Variants in TMEM209 observed in about 807,000 individuals in gnomAD.
TMEM209 encodes transmembrane protein 209.
Under a neutral mutation model 76.2 loss-of-function variants are expected in TMEM209, and 65 were observed. The ratio of observed to expected loss-of-function variants is 0.85; its 90% CI spans 0.70 to 1.05. The LOEUF (loss-of-function observed/expected upper bound fraction) is 1.05, where lower values mean the gene tolerates loss of function less well. Among genes scored for constraint, TMEM209 ranks in the 50% least tolerant of loss-of-function variants. The pLI is 0.00. For synonymous variants in TMEM209, 239 were observed against 237.6 expected, an observed-to-expected ratio of 1.01 and a Z score of -0.06; for missense variants, 623 against 685.5, an observed-to-expected ratio of 0.91 and a Z score of 1.02.
At chr7:130,188,629 C>T (rs1411464528) in intron 6 of TMEM209, among the ~76,000 whole-genome samples, 1 of 146,444 alleles carries the variant, frequency 6.8e-6, no homozygotes, top group Non-Finnish European at 1.5e-5. Context: ...AAGAAAATCT[C>T]TACTTTATAA....
chr7:130,185,132 A>G, intron 7 of TMEM209, 60 bp downstream of exon 7: 1 of 1,525,138 alleles, frequency 6.6e-7, no homozygotes, highest in Non-Finnish European at 8.8e-7. Flanking sequence ...TTCCAGAAGT[A>G]GAAGACTTTC....
chr7:130,182,875 T>C lies in TMEM209; in HGVS notation c.1024-1156A>G, dbSNP rs957993816. On this transcript the variant is annotated intron_variant, in intron 8 of 14. Transcript: ENST00000397622. ...TGGCAAGACTTGAACTGAATTCACA[T>C]GAAGCTATTTATAGGCTTTATCCCA... Among the ~76,000 whole-genome samples, 3 of 152,226 alleles carry C rather than the reference T, an allele frequency of 2.0e-5. No individual in the cohort carries two copies. In the South Asian group the frequency reaches 6.2e-4, roughly 31 times the overall value.
Position 130,196,400 on chromosome 7 carries a change from T to C in TMEM209, c.574-3577A>G, listed in dbSNP as rs145081680. Among the ~76,000 whole-genome samples, 595 of 152,152 alleles carry C rather than the reference T, an allele frequency of 3.9e-3. 4 individuals are homozygous for C. Among genetic ancestry groups the C allele is most frequent in the African/African-American group, 0.014 (564 of 41,518 alleles). ...GTTATTAGTTTGGTTCAACAGACAC[T>C]GATGTAGGTAGCATCTATATTCCAT... On this transcript the variant is annotated intron_variant, in intron 5 of 14. Transcript: ENST00000397622.
At chr7:130,204,836 A>ATTTAT (rs1216990405) in intron 1 of TMEM209, 3 of 674,904 alleles carry the variant, frequency 4.4e-6, no homozygotes, top group African/African-American at 2.0e-5. Context: ...TAAGTCATAA[A>ATTTAT]GACTGTTGTA....
chr7:130,174,064 T>G (rs1286958102), intron 11 of TMEM209, 125 bp from the exon 12 acceptor site: 1 of 618,218 alleles, frequency 1.6e-6, no homozygotes, highest in Non-Finnish European at 2.8e-6. Flanking sequence ...AAGAGTGAAT[T>G]AGAAAAATGC....
intron 10 of TMEM209, among the ~76,000 whole-genome samples, chr7:130,176,161 G>A (rs1429965328): frequency 6.7e-6 from 1 of 148,544 alleles, no homozygotes; most frequent in Non-Finnish European, 1.5e-5. Flanking sequence ...CACCCAGGCT[G>A]GAGCGCAGTA....
chr7:130,185,822 T>C (rs745480795), intron 6 of TMEM209, among the ~76,000 whole-genome samples: 12 of 152,336 alleles, frequency 7.9e-5, no homozygotes, highest in Non-Finnish European at 1.5e-4. Flanking sequence ...TATTTGTCCC[T>C]GTACTTCACT....
chr7:130,182,467 CCTAA>C (rs1363020110), intron 8 of TMEM209, among the ~76,000 whole-genome samples: 2 of 152,150 alleles, frequency 1.3e-5, no homozygotes, highest in Non-Finnish European at 2.9e-5. Context: ...AACATAACTG[CCTAA>C]CTCTCAGCAG....
chr7:130,170,929 C>T (rs944039728), intron 13 of TMEM209, among the ~76,000 whole-genome samples: 2 of 151,552 alleles, frequency 1.3e-5, no homozygotes, highest in Middle Eastern at 3.4e-3. Flanking sequence ...CCTGGGTTCA[C>T]GTCATTCTCC....
chr7:130,178,959 T>C (rs928874033), intron 9 of TMEM209, among the ~76,000 whole-genome samples: 15 of 152,112 alleles, frequency 9.9e-5, no homozygotes. Context: ...TTTTTCTTTT[T>C]TTCTATTTAG....
Position 130,202,450 on chromosome 7 carries a change from G to C in TMEM209, c.331+82C>G, listed in dbSNP as rs928114772. The C allele has an allele frequency of 2.6e-6, 4 of 1,521,200 alleles. No individual in the cohort carries two copies. The Admixed American group carries it at 8.4e-5, about 32-fold the overall frequency. 94.2% of individuals were successfully genotyped at this position (1,521,200 alleles called of 1,614,324 possible). A position where few individuals can be genotyped will look rare whatever the true frequency, so the allele number is the denominator to read the frequency against. On this transcript the variant is annotated intron_variant, in intron 4 of 14. Coordinates refer to ENST00000397622, the MANE Select transcript of TMEM209 (RefSeq NM_032842.4). ...TAGCTGATGTCCCTTCCAGCTTTGA[G>C]TCTACGAAATGGGAAAATTAAACTG...
chr7:130,190,784 C>T (rs1444730256), intron 6 of TMEM209, among the ~76,000 whole-genome samples: 1 of 151,294 alleles, frequency 6.6e-6, no homozygotes, highest in East Asian at 2.0e-4. Flanking sequence ...ATTGTGTGAG[C>T]TCAGGAGTTC....
intron 5 of TMEM209, among the ~76,000 whole-genome samples, chr7:130,195,864 A>G (rs1355554202): frequency 6.6e-6 from 1 of 152,166 alleles, no homozygotes. Context: ...TTAGGCAGTC[A>G]TTATATATGT....
chr7:130,181,557 A>G, intron 9 of TMEM209, 66 bp downstream of exon 9: 1 of 1,367,168 alleles, frequency 7.3e-7, no homozygotes, highest in Non-Finnish European at 1.0e-6. Context: ...GCCGTCCATT[A>G]CAAGAAGTTT....
chr7:130,200,150 TCTATATATATATATATTAAA>T (rs1310667936), intron 5 of TMEM209, among the ~76,000 whole-genome samples: 39 of 151,800 alleles, frequency 2.6e-4, no homozygotes, highest in African/African-American at 7.7e-4. Context: ...TTTCTCTCTC[TCTATATATATATATATTAAA>T]CTCTATAATT....
intron 14 of TMEM209, among the ~76,000 whole-genome samples, chr7:130,168,279 A>C (rs1796942337): frequency 6.6e-6 from 1 of 152,188 alleles, no homozygotes; most frequent in South Asian, 2.1e-4. Context: ...TGAAAATCCG[A>C]AATGCTCCAA....
chr7:130,182,464 C>T (rs939920508), intron 8 of TMEM209, among the ~76,000 whole-genome samples: 1 of 152,178 alleles, frequency 6.6e-6, no homozygotes, highest in Admixed American at 6.5e-5. Flanking sequence ...ACTAACATAA[C>T]TGCCTAACTC....
chr7:130,173,857 G>A lies in TMEM209; in HGVS notation c.1427C>T (p.Ser476Phe). ...ATTTGGTGTCTGAACAAAGTGCTGA[G>A]AAGTAAAAGTTTTTCCGTCGGGATA... ...PKYPDGKTFT[S>F]QHFVQTPNKP... The change falls in exon 12 of 15, where the codon TCT becomes TTT. Residue 476 changes from serine to phenylalanine, a missense_variant. Physicochemically the swap from Ser to Phe is radical, Grantham distance 155. Coordinates refer to ENST00000397622, the MANE Select transcript of TMEM209 (RefSeq NM_032842.4). 1 of 1,613,934 alleles carries A rather than the reference G, an allele frequency of 6.2e-7. No individual in the cohort carries two copies. Among genetic ancestry groups the A allele is most frequent in the Non-Finnish European group, 8.5e-7 (1 of 1,179,810 alleles).
intron 5 of TMEM209, among the ~76,000 whole-genome samples, chr7:130,200,713 T>G (rs1798159191): frequency 6.6e-6 from 1 of 152,186 alleles, no homozygotes; most frequent in South Asian, 2.1e-4. Flanking sequence ...GTTATTAATT[T>G]TCACTACATA....
Sources: gnomAD v4.1 joint callset for allele counts (sites outside exome capture counted in the v4.1 genomes callset) on GRCh38, gnomAD v4.1.1 for gene constraint, MANE v1.5 for transcripts, NCBI Gene and HGNC (gene_info 2026-07-23, HGNC 2026-07-21) for gene names.